The following PCDH15 variants were observed in gnomAD, a reference collection of about 807,000 sequenced individuals.
The protein encoded by PCDH15 is protocadherin related 15, also known as protocadherin-15.
A neutral mutation model predicts 178.5 loss-of-function variants in PCDH15; 129 were observed. The observed-to-expected ratio is 0.72, with a 90% CI of 0.63 to 0.84. PCDH15 has a LOEUF of 0.84. Ranked by LOEUF, PCDH15 falls within the 40% of genes least tolerant of loss-of-function variation. PCDH15 has a pLI of 0.00. For synonymous variants in PCDH15, 800 were observed against 732.0 expected (o/e 1.09, Z -1.50); for missense variants, 2,230 against 2,099.9 (o/e 1.06, Z -1.21).
chr10:53,976,242 A>T (rs2090171322), intron 21 of PCDH15, among the ~76,000 whole-genome samples: 1 of 151,990 alleles, frequency 6.6e-6, no homozygotes, highest in African/African-American at 2.4e-5. Context: ...CTTTGCTCAT[A>T]TGAGTTATAG....
intron 32 of PCDH15, chr10:53,825,268 A>ATC (rs936257502): frequency 8.7e-5 from 99 of 1,132,930 alleles, no homozygotes; most frequent in Non-Finnish European, 1.1e-4. Context: ...TAGTACGTAT[A>ATC]TCAAAAAAAA....
At chr10:55,510,337 G>A (rs569405961) in intron 2 of PCDH15, among the ~76,000 whole-genome samples, 168 of 151,734 alleles carry the variant, frequency 1.1e-3, no homozygotes, top group African/African-American at 3.6e-3. Context: ...TTTTTCCCCC[G>A]AATTTAGTTA....
At chr10:53,824,133 AAGAT>A (rs2076510172) in intron 32 of PCDH15, among the ~76,000 whole-genome samples, 1 of 111,166 alleles carries the variant, frequency 9.0e-6, no homozygotes. Flanking sequence ...CCTTAACAAA[AAGAT>A]TGATGCTAAA....
Position 53,938,814 on chromosome 10 carries a change from C to G in PCDH15, c.3373+1G>C. The G allele has an allele frequency of 6.2e-7, 1 of 1,612,716 alleles. No individual in the cohort carries two copies. The highest frequency in any genetic ancestry group is 1.1e-5 in the South Asian group (1 of 91,070). On this transcript the variant is annotated splice_donor_variant, in intron 25 of 37. Transcript: ENST00000644397. LOFTEE classifies it high-confidence loss of function. ...TAAAAGCTTTAAGTAGTATAACTTA[C>G]TTTTTGAAGGAACTCGGAGATTGGC...
intron 13 of PCDH15, among the ~76,000 whole-genome samples, chr10:54,177,208 A>G (rs1401404741): frequency 1.3e-5 from 2 of 152,164 alleles, no homozygotes; most frequent in East Asian, 1.9e-4. Context: ...TTCTAAACAC[A>G]TGCTATTCTG....
chr10:54,655,412 GGTGTGTGTGTGGTGGGGTGT>G (rs1442742398), intron 2 of PCDH15: 12 of 147,568 alleles, frequency 8.1e-5, no homozygotes, highest in African/African-American at 2.8e-4. Flanking sequence ...TTGGGTAAGG[GGTGTGTGTGTGGTGGGGTGT>G]GTGTGTGTGT....
chr10:54,588,678 C>T (rs531364472), intron 2 of PCDH15, among the ~76,000 whole-genome samples: 151 of 151,766 alleles, frequency 9.9e-4, no homozygotes, highest in East Asian at 2.0e-3. Flanking sequence ...CCCACTCAAG[C>T]GATTTTCCCA....
chr10:54,058,387 G>A (rs969715492), intron 18 of PCDH15, among the ~76,000 whole-genome samples: 7 of 152,306 alleles, frequency 4.6e-5, no homozygotes, highest in African/African-American at 1.7e-4. Context: ...CAAATGAGGA[G>A]CAAAGTCCTG....
At chr10:55,286,819 T>A (rs532435904) in intron 1 of PCDH15, among the ~76,000 whole-genome samples, 1 of 152,022 alleles carries the variant, frequency 6.6e-6, no homozygotes, top group Non-Finnish European at 1.5e-5. Context: ...CCTCTTTGCA[T>A]CCTTGCACTT....
At chr10:55,520,943 G>A (rs1841161045) in intron 2 of PCDH15, among the ~76,000 whole-genome samples, 1 of 151,806 alleles carries the variant, frequency 6.6e-6, no homozygotes, top group Admixed American at 6.6e-5. Flanking sequence ...TTGTCTCTGT[G>A]TGTGTTTGTG....
intron 1 of PCDH15, among the ~76,000 whole-genome samples, chr10:54,704,475 C>T (rs1000584034): frequency 1.8e-4 from 28 of 151,854 alleles, no homozygotes; most frequent in African/African-American, 6.8e-4. Flanking sequence ...AACAAACAAA[C>T]AAAAACCACA....
intron 2 of PCDH15, among the ~76,000 whole-genome samples, chr10:55,461,574 T>C (rs781496530): frequency 2.6e-5 from 4 of 152,206 alleles, no homozygotes; most frequent in Middle Eastern, 3.4e-3. Context: ...TGGGGCTCAT[T>C]TTATAATAAA....
chr10:53,907,638 A>G (rs1232477719), intron 25 of PCDH15, among the ~76,000 whole-genome samples: 1 of 152,176 alleles, frequency 6.6e-6, no homozygotes, highest in African/African-American at 2.4e-5. Context: ...TTCTTTGGCT[A>G]GAACTTTTGG....
chr10:54,583,526 C>T (rs531966541), intron 2 of PCDH15, among the ~76,000 whole-genome samples: 44 of 152,028 alleles, frequency 2.9e-4, no homozygotes, highest in African/African-American at 9.9e-4. Context: ...CCACAATGGG[C>T]AAATGCTTTT....
chr10:55,248,715 C>T (rs1340693632), intron 1 of PCDH15, among the ~76,000 whole-genome samples: 1 of 152,046 alleles, frequency 6.6e-6, no homozygotes, highest in Non-Finnish European at 1.5e-5. Context: ...TGCCAAAATG[C>T]CCTGTTAATT....
intron 3 of PCDH15, among the ~76,000 whole-genome samples, chr10:54,421,239 CTAAAATGTCA>C (rs1955249013): frequency 7.1e-6 from 1 of 140,476 alleles, no homozygotes; most frequent in Non-Finnish European, 1.5e-5. Context: ...ACAAAAAAAG[CTAAAATGTCA>C]TGAAATGACT....
intron 3 of PCDH15, among the ~76,000 whole-genome samples, chr10:54,406,204 C>T (rs1373100898): frequency 2.0e-5 from 3 of 151,752 alleles, no homozygotes; most frequent in Admixed American, 6.6e-5. Context: ...TTTCAGTATT[C>T]GTGAGCTATG....
At chr10:54,116,018 C>A (rs1322798050) in intron 15 of PCDH15, among the ~76,000 whole-genome samples, 1 of 151,966 alleles carries the variant, frequency 6.6e-6, no homozygotes, top group Non-Finnish European at 1.5e-5. Context: ...AAGGGTGTTT[C>A]AATTTTTAAA....
intron 2 of PCDH15, among the ~76,000 whole-genome samples, chr10:55,020,558 A>C (rs10825435): frequency 1.3e-5 from 2 of 151,994 alleles, no homozygotes; most frequent in African/African-American, 4.8e-5. Context: ...CTATTACTAC[A>C]TTTTTTTCAT....
Sources: allele counts gnomAD v4.1 joint callset (sites outside exome capture counted in the v4.1 genomes callset), GRCh38; gene constraint gnomAD v4.1.1; transcripts MANE v1.5; gene names NCBI Gene and HGNC (gene_info 2026-07-23, HGNC 2026-07-21).